TDP1: variants seen among roughly 807,000 people sequenced by gnomAD.
TDP1 encodes tyr-DNA phosphodiesterase 1.
TDP1 carries 64 observed loss-of-function variants against 81.5 expected under a neutral mutation model. The ratio of observed to expected loss-of-function variants is 0.79; its 90% CI spans 0.64 to 0.97. The LOEUF (loss-of-function observed/expected upper bound fraction) is 0.97. TDP1 is among the 50% of genes least tolerant of loss of function. The probability of loss-of-function intolerance (pLI) is 0.00; values close to 1 mark genes in which losing one functional copy is unlikely to be tolerated. For synonymous variants in TDP1, 256 were observed against 264.3 expected (o/e 0.97, Z 0.30); for missense variants, 723 against 743.8 (o/e 0.97, Z 0.33).
At chr14:90,000,133 C>G (rs180963696) in intron 14 of TDP1, among the ~76,000 whole-genome samples, 1 of 152,138 alleles carries the variant, frequency 6.6e-6, no homozygotes, top group Non-Finnish European at 1.5e-5. Flanking sequence ...GTCAGCCCGG[C>G]GTTCTCGGCT....
At chr14:90,009,773 A>G (rs1884479728) in intron 14 of TDP1, among the ~76,000 whole-genome samples, 1 of 152,234 alleles carries the variant, frequency 6.6e-6, no homozygotes, top group Admixed American at 6.5e-5. Context: ...GCAGGGTAAG[A>G]CTGTGATATC....
At chr14:90,025,400 T>C (rs1886537304) in intron 15 of TDP1, among the ~76,000 whole-genome samples, 1 of 152,190 alleles carries the variant, frequency 6.6e-6, no homozygotes, top group Non-Finnish European at 1.5e-5. Flanking sequence ...TTTTTTCTTG[T>C]TTTTTTAAGT....
At position 90,022,825 on chromosome 14, in the gene TDP1, T is replaced by C. The variant is rs34025510; in HGVS notation, c.1644+3407T>C. The C allele has an allele frequency of 6.7e-4, 626 of 936,912 alleles. 4 individuals are homozygous for C. In the African/African-American group the frequency reaches 0.011, roughly 16 times the overall value. The allele number at this position is 936,912 out of a possible 1,614,324, so 58.0% of individuals were successfully genotyped here. On this transcript the variant is annotated intron_variant, in intron 15 of 16. Coordinates refer to ENST00000335725, the MANE Select transcript of TDP1 (RefSeq NM_018319.4). ...GAGGATGACCCAGAGATTTGTGCCA[T>C]GAGGTAGTTTGTCGTTTCGCTGAGT...
At chr14:89,998,412 A>ATGTG (rs1334088177) in intron 14 of TDP1, among the ~76,000 whole-genome samples, 1 of 95,878 alleles carries the variant, frequency 1.0e-5, no homozygotes, top group African/African-American at 5.6e-5. Flanking sequence ...ATATATATAT[A>ATGTG]TATATATATA....
upstream of TDP1, chr14:89,955,813 A>G (rs1455822975): frequency 1.4e-5 from 2 of 143,538 alleles, no homozygotes; most frequent in Non-Finnish European, 2.9e-5. Flanking sequence ...CTGGGTAAAC[A>G]CCCGGCGGGC....
Position 90,033,141 on chromosome 14 carries a change from C to T in TDP1, c.1680C>T (p.Phe560=), listed in dbSNP as rs949766678. 3.7e-6 allele frequency: 6 copies of T among 1,612,922 alleles called. No individual in the cohort carries two copies. The highest frequency in any genetic ancestry group is 1.3e-5 in the African/African-American group (1 of 74,790). Reference sequence around the variant, plus strand: ...GTTTCAAAGTGAAACAGAAGTTCTTCGCTGGCAGCCAGGAGCCAATGGCCA... The same window carrying T: ...GTTTCAAAGTGAAACAGAAGTTCTTTGCTGGCAGCCAGGAGCCAATGGCCA... ...LDSFKVKQKF[F]AGSQEPMATF... The change falls in exon 16 of 17, where the codon TTC becomes TTT. Residue 560 remains phenylalanine (F), a synonymous_variant. Coordinates refer to ENST00000335725, the MANE Select transcript of TDP1 (RefSeq NM_018319.4).
At chr14:90,017,075 G>A (rs1885399984) in intron 14 of TDP1, among the ~76,000 whole-genome samples, 2 of 152,176 alleles carry the variant, frequency 1.3e-5, no homozygotes, top group South Asian at 4.1e-4. Flanking sequence ...CAGAAGCCAG[G>A]ACAGGCAGTG....
At chr14:90,021,783 A>G (rs1032609164) in intron 15 of TDP1, among the ~76,000 whole-genome samples, 1 of 152,198 alleles carries the variant, frequency 6.6e-6, no homozygotes, top group Non-Finnish European at 1.5e-5. Flanking sequence ...CACCCCTTCT[A>G]GACTATGCCA....
At position 89,996,482 on chromosome 14, in the gene TDP1, C is replaced by T. The variant is rs36092010; in HGVS notation, c.1541+2999C>T. On this transcript the variant is annotated intron_variant, in intron 14 of 16. Coordinates refer to ENST00000335725, the MANE Select transcript of TDP1 (RefSeq NM_018319.4). ...AAGAGTTGTGTTCAGGTCCCATCTCCGCCTGGAGCCTCTTTCAGCCTCTGC... is the reference window on the plus strand; with the variant it reads ...AAGAGTTGTGTTCAGGTCCCATCTCTGCCTGGAGCCTCTTTCAGCCTCTGC... Among the ~76,000 whole-genome samples the T allele has an allele frequency of 2.1e-3, 317 of 152,270 alleles. 1 individual carries two copies. Among genetic ancestry groups the T allele is most frequent in the African/African-American group, 7.2e-3 (299 of 41,558 alleles).
rs1566842225 is a variant in TDP1 at position 89,963,148 on chromosome 14, A to T, written c.34A>T (p.Ile12Leu). 1.9e-6 allele frequency: 3 copies of T among 1,614,156 alleles called. No homozygotes were observed. Among genetic ancestry groups the T allele is most frequent in the Non-Finnish European group, 2.5e-6 (3 of 1,180,022 alleles). ...GGAAGGCGATTATGGGAGGTGGACC[A>T]TATCTAGTAGTGATGAAAGTGAGGA... is the stretch of plus-strand genomic sequence containing the variant. ...SQEGDYGRWTISSSDESEEEK... is the reference protein window; with the variant it reads ...SQEGDYGRWTLSSSDESEEEK... The change falls in exon 3 of 17, where the codon ATA (isoleucine) becomes TTA (leucine). Residue 12 changes from isoleucine (I) to leucine (L), a missense_variant. Physicochemically the swap from Ile to Leu is conservative, Grantham distance 5. Transcript: ENST00000335725.
Position 89,967,368 on chromosome 14 carries a change from T to G in TDP1, c.605T>G (p.Phe202Cys). 6.2e-7 allele frequency: 1 copy of G among 1,614,068 alleles called. No homozygotes were observed. The highest frequency in any genetic ancestry group is 8.5e-7 in the Non-Finnish European group (1 of 1,179,924). The change falls in exon 5 of 17, where the codon TTT (phenylalanine) becomes TGT (cysteine). Residue 202 changes from phenylalanine (F) to cysteine (C), a missense_variant and splice_region_variant. By Grantham distance (205) the Phe-to-Cys change is radical. Coordinates refer to ENST00000335725, the MANE Select transcript of TDP1 (RefSeq NM_018319.4). ...TTACTCTTCTTTTCTCCCATCTAGT[T>G]TAACTACTGCTTTGACGTGGACTGG... is the stretch of plus-strand genomic sequence containing the variant. ...LFGTLVSSAQ[F>C]NYCFDVDWLV...
intron 16 of TDP1, among the ~76,000 whole-genome samples, chr14:90,036,373 C>T (rs769596737): frequency 6.6e-6 from 1 of 152,090 alleles, no homozygotes; most frequent in Non-Finnish European, 1.5e-5. Context: ...TGGTTAAGAA[C>T]ATTTGAAAAG....
chr14:90,026,123 T>C (rs1273505232), intron 15 of TDP1, among the ~76,000 whole-genome samples: 2 of 152,238 alleles, frequency 1.3e-5, no homozygotes, highest in Non-Finnish European at 2.9e-5. Flanking sequence ...TGTTTAAATT[T>C]TTTCATTGTA....
chr14:89,991,788 T>A (rs1896210685), intron 12 of TDP1, 129 bp from the exon 13 acceptor site: 2 of 1,218,948 alleles, frequency 1.6e-6, no homozygotes, highest in Admixed American at 2.7e-5. Context: ...ATAACTATTC[T>A]ATAAGATGAA....
At chr14:89,973,094 AT>A (rs1409174592) in intron 6 of TDP1, among the ~76,000 whole-genome samples, 1 of 152,182 alleles carries the variant, frequency 6.6e-6, no homozygotes, top group African/African-American at 2.4e-5. Flanking sequence ...CATTTTCCTT[AT>A]GATTTAACCC....
intron 15 of TDP1, chr14:90,032,885 C>T (rs1887440084): frequency 4.1e-6 from 4 of 980,860 alleles, no homozygotes; most frequent in Admixed American, 6.2e-5. Context: ...TTTGCTATAA[C>T]TTAATTCCTG....
chr14:89,969,744 C>G (rs1374944875), intron 5 of TDP1, among the ~76,000 whole-genome samples: 1 of 151,998 alleles, frequency 6.6e-6, no homozygotes, highest in East Asian at 1.9e-4. Context: ...GATTGTTGTT[C>G]CTTTGTGAAT....
At chr14:89,986,357 AT>A (rs1895550195) in intron 10 of TDP1, among the ~76,000 whole-genome samples, 1 of 152,238 alleles carries the variant, frequency 6.6e-6, no homozygotes, top group African/African-American at 2.4e-5. Flanking sequence ...AGTGGACATA[AT>A]AATAGTACTT....
At position 89,975,106 on chromosome 14, in the gene TDP1, C is replaced by T. The variant is rs149804965; in HGVS notation, c.757-675C>T. 3.6e-3 allele frequency among the ~76,000 whole-genome samples: 550 copies of T among 152,292 alleles called. 2 individuals carry two copies. Among genetic ancestry groups the T allele is most frequent in the African/African-American group, 0.012 (508 of 41,564 alleles). Reference sequence around the variant, plus strand: ...TTTTTTGTTTTTGGAGACGGAGTCTCGCTCTGTCACCCAGGCTGGAGTGCA... The same window carrying T: ...TTTTTTGTTTTTGGAGACGGAGTCTTGCTCTGTCACCCAGGCTGGAGTGCA... On this transcript the variant is annotated intron_variant, in intron 6 of 16. Transcript: ENST00000335725.
Sources: gnomAD v4.1 joint callset for allele counts (sites outside exome capture counted in the v4.1 genomes callset) on GRCh38, gnomAD v4.1.1 for gene constraint, MANE v1.5 for transcripts, NCBI Gene and HGNC (gene_info 2026-07-23, HGNC 2026-07-21) for gene names.